Variants in SHISAL2A observed in about 807,000 individuals in gnomAD.
The protein encoded by SHISAL2A is shisa like 2A, also known as protein shisa-like-2A.
A neutral mutation model predicts 11.5 loss-of-function variants in SHISAL2A; 18 were observed. That is an observed-to-expected ratio of 1.57 (90% CI 1.08 to 2.33). SHISAL2A has a LOEUF of 2.33. SHISAL2A is among the 30% of genes most tolerant of loss of function. SHISAL2A has a pLI of 0.00. For missense variants in SHISAL2A, 261 were observed against 250.9 expected (o/e 1.04, Z -0.27); for synonymous variants, 94 against 99.6 (o/e 0.94, Z 0.34).
At chr1:52,663,858 T>G (rs977020248) in intron 4 of SHISAL2A, among the ~76,000 whole-genome samples, 1 of 152,206 alleles carries the variant, frequency 6.6e-6, no homozygotes, top group Non-Finnish European at 1.5e-5. Context: ...TTAAATCTAT[T>G]CTTGGATATG....
chr1:52,656,332 T>G (rs931356954), intron 2 of SHISAL2A, among the ~76,000 whole-genome samples: 1 of 152,128 alleles, frequency 6.6e-6, no homozygotes, highest in Non-Finnish European at 1.5e-5. Context: ...TAAGGCCAAG[T>G]GGACTTCCTT....
chr1:52,662,672 A>AC (rs1368448969), intron 4 of SHISAL2A, among the ~76,000 whole-genome samples: 8 of 151,546 alleles, frequency 5.3e-5, no homozygotes, highest in Non-Finnish European at 1.2e-4. Flanking sequence ...TAAAGAGAGT[A>AC]CCCCTTAGGG....
downstream of SHISAL2A, chr1:52,657,175 C>G: frequency 8.1e-7 from 1 of 1,227,242 alleles, no homozygotes; most frequent in Non-Finnish European, 1.1e-6. Context: ...TGCTGTGGAC[C>G]CTGCCATACT....
At chr1:52,637,807 TGTTA>T (rs1156392692) in intron 1 of SHISAL2A, among the ~76,000 whole-genome samples, 1 of 152,188 alleles carries the variant, frequency 6.6e-6, no homozygotes, top group African/African-American at 2.4e-5. Context: ...AGCCCTTGGT[TGTTA>T]GATTGTCCCT....
intron 1 of SHISAL2A, among the ~76,000 whole-genome samples, chr1:52,637,719 A>G (rs1210662949): frequency 6.6e-6 from 1 of 152,222 alleles, no homozygotes; most frequent in Non-Finnish European, 1.5e-5. Context: ...GAAGAAAATG[A>G]AGGTCAGAGT....
intron 5 of SHISAL2A, chr1:52,668,342 C>T (rs2149898570): frequency 6.6e-6 from 1 of 152,340 alleles, no homozygotes. Flanking sequence ...AATTTCCGTG[C>T]ACTTTGGCTT....
Position 52,657,000 on chromosome 1 carries a change from C to A in SHISAL2A, c.533C>A (p.Ala178Asp). 1 of 1,613,810 alleles carries A rather than the reference C, an allele frequency of 6.2e-7. No homozygotes were observed. The highest frequency in any genetic ancestry group is 2.2e-5 in the East Asian group (1 of 44,886). ...GACATTCCAGGCAGCCCTGAGGAAG[C>A]CTCTGTACCCAACCCTGACCTATGT... ...TSDIPGSPEE[A>D]SVPNPDLCGP... is the part of the protein sequence containing the mutation. Residue 178 changes from alanine to aspartate, a missense_variant, in exon 3 of 3, where the codon GCC (alanine) becomes GAC (aspartate). Physicochemically the swap from Ala to Asp is moderately radical, Grantham distance 126. Transcript: ENST00000517870.
At chr1:52,643,122 A>T in intron 2 of SHISAL2A, 120 bp downstream of exon 2, 1 of 951,562 alleles carries the variant, frequency 1.1e-6, no homozygotes, top group Non-Finnish European at 1.6e-6. Flanking sequence ...AATATGCAGA[A>T]GCAGCGGCAC....
At chr1:52,648,693 C>T (rs771535017) in intron 2 of SHISAL2A, among the ~76,000 whole-genome samples, 7 of 152,146 alleles carry the variant, frequency 4.6e-5, no homozygotes, top group Non-Finnish European at 8.8e-5. Flanking sequence ...ATGATTTGCA[C>T]AAGGGTCATA....
chr1:52,656,286 C>T (rs1025786074), intron 2 of SHISAL2A, among the ~76,000 whole-genome samples: 1 of 152,156 alleles, frequency 6.6e-6, no homozygotes, highest in African/African-American at 2.4e-5. Flanking sequence ...AAGTAAGTTG[C>T]AGCTGAACAA....
In SHISAL2A at chr1:52,656,877, A is replaced by T. The variant is rs1221053308; in HGVS notation, c.410A>T (p.Tyr137Phe). 6.2e-7 allele frequency: 1 copy of T among 1,613,980 alleles called. No individual in the cohort carries two copies. The highest frequency in any genetic ancestry group is 1.7e-5 in the Admixed American group (1 of 59,984). Residue 137 changes from tyrosine (Y) to phenylalanine (F), a missense_variant, in exon 3 of 3, where the codon TAC becomes TTC. By Grantham distance (22) the Tyr-to-Phe change is conservative (BLOSUM62 3). Transcript: ENST00000517870. ...VPKVSPLQQS[Y>F]SCLNPQLESN... ...AAAGTGAGCCCTCTCCAGCAGAGTT[A>T]CTCCTGCTTGAACCCGCAGCTGGAG... is the stretch of plus-strand genomic sequence containing the variant.
chr1:52,651,021 GA>G (rs1691632571), intron 2 of SHISAL2A, among the ~76,000 whole-genome samples: 1 of 151,188 alleles, frequency 6.6e-6, no homozygotes, highest in South Asian at 2.1e-4. Flanking sequence ...AAAGTGAGTG[GA>G]ACCTCAGGTC....
intron 1 of SHISAL2A, among the ~76,000 whole-genome samples, chr1:52,637,074 T>C (rs1691251450): frequency 1.3e-5 from 2 of 152,128 alleles, no homozygotes; most frequent in African/African-American, 4.8e-5. Flanking sequence ...GTGGCATGCT[T>C]TAGTGGCTCA....
Position 52,657,003 on chromosome 1 carries a change from C to T in SHISAL2A, c.536C>T (p.Ser179Phe), listed in dbSNP as rs778116844. 5.0e-6 allele frequency: 8 copies of T among 1,613,812 alleles called. No individual in the cohort carries two copies. The South Asian group carries it at 6.6e-5, about 13-fold the overall frequency. ...ATTCCAGGCAGCCCTGAGGAAGCCTCTGTACCCAACCCTGACCTATGTGGA... is the reference window on the plus strand; with the variant it reads ...ATTCCAGGCAGCCCTGAGGAAGCCTTTGTACCCAACCCTGACCTATGTGGA... Reference protein sequence around the residue: ...SDIPGSPEEASVPNPDLCGPV... With the variant: ...SDIPGSPEEAFVPNPDLCGPV... The change falls in exon 3 of 3, where the codon TCT becomes TTT. Residue 179 changes from serine (S) to phenylalanine (F), a missense_variant. Coordinates refer to ENST00000517870, the MANE Select transcript of SHISAL2A (RefSeq NM_001042693.3).
chr1:52,657,008 C>A lies in SHISAL2A; in HGVS notation c.541C>A (p.Pro181Thr). The A allele has an allele frequency of 1.2e-6, 2 of 1,613,288 alleles. No homozygotes were observed. The highest frequency in any genetic ancestry group is 1.3e-5 in the African/African-American group (1 of 75,038). Residue 181 changes from proline to threonine, a missense_variant, in exon 3 of 3, where the codon CCC becomes ACC. Transcript: ENST00000517870. Reference protein sequence around the residue: ...IPGSPEEASVPNPDLCGPVP With the variant: ...IPGSPEEASVTNPDLCGPVP ...AGGCAGCCCTGAGGAAGCCTCTGTA[C>A]CCAACCCTGACCTATGTGGACCAGT... is the stretch of plus-strand genomic sequence containing the variant.
chr1:52,633,472 G>C lies in SHISAL2A; in HGVS notation c.-22G>C, dbSNP rs1236810403. The C allele has an allele frequency of 1.4e-6, 2 of 1,463,010 alleles. No homozygotes were observed. Among genetic ancestry groups the C allele is most frequent in the African/African-American group, 3.0e-5 (2 of 66,914 alleles). The allele number at this position is 1,463,010 out of a possible 1,614,324, so 90.6% of individuals were successfully genotyped here. A position where few individuals can be genotyped will look rare whatever the true frequency, so the allele number is the denominator to read the frequency against. On this transcript the variant is annotated 5_prime_UTR_variant, in exon 1 of 3. Transcript: ENST00000517870. The surrounding 1 kb of genome is among the most constrained non-coding windows in gnomAD (Gnocchi z 6.4). ...CGGCCGTCTGGTGGCCCGAGGTGGC[G>C]GCGGGCTGGGCGCGGGGCGCGATGA...
intron 4 of SHISAL2A, among the ~76,000 whole-genome samples, chr1:52,662,527 T>A (rs986330549): frequency 2.0e-5 from 3 of 151,418 alleles, no homozygotes; most frequent in African/African-American, 7.3e-5. Flanking sequence ...TTTTTTTTTT[T>A]TTAAATAAAG....
intron 2 of SHISAL2A, among the ~76,000 whole-genome samples, chr1:52,654,220 G>A (rs1216638296): frequency 7.1e-6 from 1 of 141,096 alleles, no homozygotes; most frequent in Non-Finnish European, 1.6e-5. Flanking sequence ...CAAAATGGCA[G>A]TTTTATAGAT....
chr1:52,651,077 A>G (rs753664465), intron 2 of SHISAL2A, among the ~76,000 whole-genome samples: 2 of 151,846 alleles, frequency 1.3e-5, no homozygotes, highest in Non-Finnish European at 2.9e-5. Context: ...GTGATGATCT[A>G]TATTAACTTT....
Sources: gnomAD v4.1 joint callset for allele counts (sites outside exome capture counted in the v4.1 genomes callset) on GRCh38, gnomAD v4.1.1 for gene constraint, Gnocchi (gnomAD v3.1) non-coding constraint, MANE v1.5 for transcripts, NCBI Gene and HGNC (gene_info 2026-07-23, HGNC 2026-07-21) for gene names.